Variants in MAPK10 observed in about 807,000 individuals in gnomAD.
MAPK10 encodes the protein JNK3 alpha protein kinase.
Under a neutral mutation model 59.3 loss-of-function variants are expected in MAPK10, and 25 were observed. The observed-to-expected ratio is 0.42, with a 90% CI of 0.31 to 0.59. The LOEUF is 0.59. MAPK10 is among the 20% of genes least tolerant of loss of function. MAPK10 has a pLI of 0.15. For missense variants in MAPK10, 351 were observed against 568.9 expected (o/e 0.62, Z 3.90); for synonymous variants, 190 against 200.5 (o/e 0.95, Z 0.44).
intron 4 of MAPK10, among the ~76,000 whole-genome samples, chr4:86,118,174 C>A (rs1247633714): frequency 6.6e-6 from 1 of 152,178 alleles, no homozygotes; most frequent in Non-Finnish European, 1.5e-5. Context: ...TGATTACTGG[C>A]AGAAGTTTAG....
At chr4:86,041,948 C>T (rs35833770) in intron 11 of MAPK10, among the ~76,000 whole-genome samples, 31,935 of 152,130 alleles carry the variant, frequency 0.21, 4,071 homozygotes, top group African/African-American at 0.35. Context: ...CCATTTGACC[C>T]GGCAATCCCA....
At chr4:86,226,440 G>A (rs1583173275) in intron 2 of MAPK10, among the ~76,000 whole-genome samples, 1 of 152,172 alleles carries the variant, frequency 6.6e-6, no homozygotes, top group African/African-American at 2.4e-5. Flanking sequence ...ACCAGTGGCA[G>A]GTTAAAAGAT....
intron 1 of MAPK10, among the ~76,000 whole-genome samples, chr4:86,570,916 T>C (rs1010891501): frequency 2.8e-4 from 43 of 152,110 alleles, no homozygotes; most frequent in African/African-American, 8.0e-4. Flanking sequence ...CAGGGTGGAA[T>C]TGAATCTGAT....
At chr4:86,372,795 C>T (rs910740010) in intron 1 of MAPK10, among the ~76,000 whole-genome samples, 10 of 152,094 alleles carry the variant, frequency 6.6e-5, no homozygotes, top group Admixed American at 4.6e-4. Flanking sequence ...CACTAAATGC[C>T]CACATCAGAA....
At chr4:86,325,766 TTATAA>T (rs1201483806) in intron 2 of MAPK10, 2 of 152,332 alleles carry the variant, frequency 1.3e-5, no homozygotes, top group Middle Eastern at 3.4e-3. Context: ...CTAAAATGAC[TTATAA>T]TAGTAATACA....
intron 9 of MAPK10, among the ~76,000 whole-genome samples, chr4:86,088,319 A>G (rs2052378080): frequency 6.6e-6 from 1 of 152,120 alleles, no homozygotes; most frequent in Admixed American, 6.6e-5. Flanking sequence ...TGCTGAGACT[A>G]CAGGGACTTT....
intron 5 of MAPK10, chr4:86,106,935 C>T (rs1252400891): frequency 1.7e-5 from 3 of 178,526 alleles, no homozygotes; most frequent in African/African-American, 2.4e-5. Flanking sequence ...TTGTTTCTTT[C>T]TTGAAGCTCT....
At chr4:86,382,929 G>A (rs1231748669) in intron 1 of MAPK10, among the ~76,000 whole-genome samples, 1 of 152,150 alleles carries the variant, frequency 6.6e-6, no homozygotes, top group Non-Finnish European at 1.5e-5. Context: ...GTGACCTTGA[G>A]TGAGCTGTCT....
chr4:86,279,686 G>A (rs754303717), intron 2 of MAPK10, among the ~76,000 whole-genome samples: 2 of 152,044 alleles, frequency 1.3e-5, no homozygotes, highest in African/African-American at 4.8e-5. Context: ...ACATTACTAG[G>A]GGGGGCTCAA....
rs977460885 is a variant in MAPK10 at position 86,485,780 on chromosome 4, T to C, written c.-263+108130A>G. Among the ~76,000 whole-genome samples, 6 of 152,252 alleles carry C rather than the reference T, an allele frequency of 3.9e-5. No individual in the cohort carries two copies. In the East Asian group the frequency reaches 1.2e-3, roughly 29 times the overall value. On this transcript the variant is annotated intron_variant, in intron 1 of 4. Coordinates refer to the MAPK10 transcript ENST00000502302. ...TACACAGGCCTCAAGGGAAGGGCCT[T>C]AATTCAATAGGACTATTGTCCTTAT...
rs2093476223 is a variant in MAPK10, at chr4:86,252,176, A to T, written c.-6-57769T>A. On this transcript the variant is annotated intron_variant, in intron 2 of 13. Transcript: ENST00000641462. The stretch of plus-strand genomic sequence containing the variant: ...TGCTGTGCAGAAGTTCTTTAGTTTA[A>T]TTAGATCCCATTTGTCAATTTTGGC... Among the ~76,000 whole-genome samples the T allele has an allele frequency of 1.2e-4, 15 of 125,610 alleles. 1 individual carries two copies. The South Asian group carries it at 3.5e-3, about 29-fold the overall frequency. The allele number at this position is 125,610 out of a possible 152,430, so 82.4% of individuals were successfully genotyped here. A position where few individuals can be genotyped will look rare whatever the true frequency, so the allele number is the denominator to read the frequency against.
At chr4:86,503,135 T>C (rs1180595187) in intron 1 of MAPK10, among the ~76,000 whole-genome samples, 1 of 152,142 alleles carries the variant, frequency 6.6e-6, no homozygotes, top group Non-Finnish European at 1.5e-5. Context: ...AAGGGTATCA[T>C]CTTTCCCAAA....
chr4:86,217,111 A>C (rs979069491), intron 2 of MAPK10, among the ~76,000 whole-genome samples: 7 of 152,186 alleles, frequency 4.6e-5, no homozygotes, highest in African/African-American at 1.4e-4. Flanking sequence ...CTAAATGCCC[A>C]AATGCTATTC....
intron 2 of MAPK10, among the ~76,000 whole-genome samples, chr4:86,261,934 T>G (rs1157159108): frequency 6.6e-6 from 1 of 152,242 alleles, no homozygotes; most frequent in African/African-American, 2.4e-5. Context: ...TAACTGACAT[T>G]GCCCTGCTGG....
At chr4:86,383,257 T>C (rs1168423544) in intron 1 of MAPK10, among the ~76,000 whole-genome samples, 1 of 152,174 alleles carries the variant, frequency 6.6e-6, no homozygotes, top group East Asian at 1.9e-4. Flanking sequence ...GTATTTAGTC[T>C]AGACTATGCA....
chr4:86,300,677 TCTCTTA>T (rs2095452459), intron 2 of MAPK10: 1 of 152,152 alleles, frequency 6.6e-6, no homozygotes, highest in South Asian at 2.1e-4. Context: ...CTTGCATGTC[TCTCTTA>T]AAAGCAATGG....
intron 1 of MAPK10, among the ~76,000 whole-genome samples, chr4:86,589,578 A>T (rs1403673303): frequency 6.6e-6 from 1 of 152,000 alleles, no homozygotes; most frequent in Non-Finnish European, 1.5e-5. Context: ...GCTATTCGGG[A>T]GGCTGAGGCA....
At chr4:86,472,090 T>C (rs890960531) in intron 1 of MAPK10, among the ~76,000 whole-genome samples, 1 of 152,212 alleles carries the variant, frequency 6.6e-6, no homozygotes, top group Non-Finnish European at 1.5e-5. Context: ...TCTAATATTA[T>C]TTCAGCTGAT....
intron 1 of MAPK10, among the ~76,000 whole-genome samples, chr4:86,569,249 G>T (rs999182237): frequency 3.3e-5 from 5 of 151,920 alleles, no homozygotes; most frequent in Non-Finnish European, 7.4e-5. Flanking sequence ...CCACAATGAG[G>T]TATCACCTTA....
Sources: gnomAD v4.1 joint callset for allele counts (sites outside exome capture counted in the v4.1 genomes callset) on GRCh38, gnomAD v4.1.1 for gene constraint, MANE v1.5 for transcripts, NCBI Gene and HGNC (gene_info 2026-07-23, HGNC 2026-07-21) for gene names.